ROBO2: variants seen among roughly 807,000 people sequenced by gnomAD.
ROBO2 encodes roundabout guidance receptor 2.
A neutral mutation model predicts 160.8 loss-of-function variants in ROBO2; 53 were observed. The observed-to-expected ratio is 0.33, with a 90% CI of 0.26 to 0.41. The LOEUF (loss-of-function observed/expected upper bound fraction) is 0.41, where lower values mean the gene tolerates loss of function less well. Ranked by LOEUF, ROBO2 falls within the 10% of genes least tolerant of loss-of-function variation. ROBO2 has a pLI of 1.00. For missense variants in ROBO2, 1,577 were observed against 1,722.4 expected, an observed-to-expected ratio of 0.92 and a Z score of 1.49; for synonymous variants, 664 against 611.7, an observed-to-expected ratio of 1.09 and a Z score of -1.26.
chr3:77,321,226 A>C (rs1276765505), intron 2 of ROBO2, among the ~76,000 whole-genome samples: 1 of 152,080 alleles, frequency 6.6e-6, no homozygotes, highest in South Asian at 2.1e-4. Flanking sequence ...GTGTATTAGA[A>C]ATATTTTAGG....
At chr3:77,430,964 A>G (rs369267765) in intron 2 of ROBO2, among the ~76,000 whole-genome samples, 33 of 152,228 alleles carry the variant, frequency 2.2e-4, no homozygotes, top group African/African-American at 7.7e-4. Context: ...TTGCATCCCA[A>G]TCTGCTTATT....
At chr3:76,828,521 C>A (rs1226305774) in intron 2 of ROBO2, among the ~76,000 whole-genome samples, 2 of 152,000 alleles carry the variant, frequency 1.3e-5, no homozygotes, top group African/African-American at 4.8e-5. Context: ...TGTCAGAGCA[C>A]CAAAATTACT....
intron 2 of ROBO2, among the ~76,000 whole-genome samples, chr3:76,077,900 C>T (rs1175972921): frequency 6.6e-6 from 1 of 152,156 alleles, no homozygotes; most frequent in East Asian, 1.9e-4. Context: ...TGCCAACTTC[C>T]ATTGATAACC....
chr3:76,531,261 C>A (rs1359164405), intron 2 of ROBO2, among the ~76,000 whole-genome samples: 1 of 152,020 alleles, frequency 6.6e-6, no homozygotes, highest in African/African-American at 2.4e-5. Flanking sequence ...TTCATTGAAC[C>A]AAATGCATCT....
chr3:77,412,124 G>A (rs763210845), intron 2 of ROBO2, among the ~76,000 whole-genome samples: 7 of 147,538 alleles, frequency 4.7e-5, no homozygotes, highest in Admixed American at 6.8e-5. Context: ...AATACCAGGC[G>A]GTTCTAAAAG....
intron 2 of ROBO2, among the ~76,000 whole-genome samples, chr3:77,176,257 C>T (rs1447035632): frequency 6.6e-6 from 1 of 151,830 alleles, no homozygotes; most frequent in African/African-American, 2.4e-5. Context: ...TAAAGAAAAC[C>T]TTCTGTTGGC....
At chr3:76,353,910 T>A (rs1431048464) in intron 2 of ROBO2, among the ~76,000 whole-genome samples, 1 of 151,932 alleles carries the variant, frequency 6.6e-6, no homozygotes, top group Non-Finnish European at 1.5e-5. Flanking sequence ...TTCACGTTTT[T>A]AGGGGCTGCA....
At chr3:77,477,418 A>G in exon 3 of ROBO2, 2 of 1,611,616 alleles carry the variant, frequency 1.2e-6, no homozygotes, top group South Asian at 1.1e-5. Flanking sequence ...CCTCAGTGTT[A>G]CGAGATGACT....
chr3:77,217,600 G>T (rs1010726055), intron 2 of ROBO2, among the ~76,000 whole-genome samples: 1 of 152,128 alleles, frequency 6.6e-6, no homozygotes, highest in East Asian at 1.9e-4. Context: ...GTTTCATGTT[G>T]TAATTAATGG....
At chr3:77,166,533 T>G (rs2079091551) in intron 2 of ROBO2, among the ~76,000 whole-genome samples, 1 of 152,056 alleles carries the variant, frequency 6.6e-6, no homozygotes, top group South Asian at 2.1e-4. Flanking sequence ...TTTTAAAAAA[T>G]ATTTAATGAC....
chr3:76,190,457 T>G (rs1206411687), intron 2 of ROBO2, among the ~76,000 whole-genome samples: 2 of 152,124 alleles, frequency 1.3e-5, no homozygotes, highest in African/African-American at 4.8e-5. Flanking sequence ...TCAGATTTTA[T>G]AAGCATTTTA....
intron 2 of ROBO2, among the ~76,000 whole-genome samples, chr3:76,355,208 T>A (rs2075092300): frequency 6.6e-6 from 1 of 151,780 alleles, no homozygotes; most frequent in Non-Finnish European, 1.5e-5. Flanking sequence ...AATTTTTTGG[T>A]TTTGACCATG....
At chr3:77,622,889 G>A (rs556270546) in intron 23 of ROBO2, among the ~76,000 whole-genome samples, 4 of 152,062 alleles carry the variant, frequency 2.6e-5, no homozygotes, top group Non-Finnish European at 5.9e-5. Flanking sequence ...GGTTGCACAA[G>A]GTATTATTTT....
intron 21 of ROBO2, among the ~76,000 whole-genome samples, chr3:77,612,629 C>A (rs545893865): frequency 1.3e-5 from 2 of 152,264 alleles, no homozygotes; most frequent in East Asian, 3.9e-4. Flanking sequence ...TCTTCACACA[C>A]ACACACAAAA....
chr3:76,944,305 A>G (rs79149279), intron 2 of ROBO2, among the ~76,000 whole-genome samples: 13 of 152,314 alleles, frequency 8.5e-5, no homozygotes, highest in African/African-American at 2.9e-4. Flanking sequence ...AAAATTAAAT[A>G]ACACATTGTA....
chr3:76,665,972 T>A (rs1159665687), intron 2 of ROBO2, among the ~76,000 whole-genome samples: 2 of 140,170 alleles, frequency 1.4e-5, no homozygotes, highest in Non-Finnish European at 3.1e-5. Context: ...ATATAATATA[T>A]ATAATATATA....
intron 2 of ROBO2, among the ~76,000 whole-genome samples, chr3:77,223,838 TA>T (rs2086140103): frequency 6.6e-6 from 1 of 151,158 alleles, no homozygotes; most frequent in African/African-American, 2.4e-5. Context: ...TTTATTTTAA[TA>T]AAATTATATC....
rs968946571 is a variant in ROBO2, at chr3:77,354,922, A to T, written c.389-122492A>T. 1.3e-5 allele frequency among the ~76,000 whole-genome samples: 2 copies of T among 152,224 alleles called. 1 individual carries two copies. The highest frequency in any genetic ancestry group is 3.9e-4 in the East Asian group (2 of 5,194). On this transcript the variant is annotated intron_variant, in intron 2 of 25. Transcript: ENST00000461745. ...CGTTGCATCCCATTTCAAACACGCT[A>T]GAAATACCGAAGGTTTCTTTGTTAA... is the stretch of plus-strand genomic sequence containing the variant.
intron 5 of ROBO2, among the ~76,000 whole-genome samples, chr3:77,510,750 G>T (rs916315419): frequency 6.6e-6 from 1 of 152,094 alleles, no homozygotes; most frequent in Non-Finnish European, 1.5e-5. Context: ...GCTGAATTTT[G>T]TTTTGGTTTG....
Sources: allele counts gnomAD v4.1 joint callset (sites outside exome capture counted in the v4.1 genomes callset), GRCh38; gene constraint gnomAD v4.1.1; transcripts MANE v1.5; gene names NCBI Gene and HGNC (gene_info 2026-07-23, HGNC 2026-07-21).